TCAIM: variants seen among roughly 807,000 people sequenced by gnomAD.
The protein encoded by TCAIM is T cell activation inhibitor, mitochondrial.
A neutral mutation model predicts 58.6 loss-of-function variants in TCAIM; 36 were observed. That is an observed-to-expected ratio of 0.61 (90% CI 0.47 to 0.81). The LOEUF (loss-of-function observed/expected upper bound fraction) is 0.81. Among genes scored for constraint, TCAIM ranks in the 30% least tolerant of loss-of-function variants. The pLI, the probability that TCAIM is intolerant of heterozygous loss-of-function variation, is 0.00. For synonymous variants in TCAIM, 172 were observed against 193.6 expected, an observed-to-expected ratio of 0.89 and a Z score of 0.93; for missense variants, 466 against 579.6, an observed-to-expected ratio of 0.80 and a Z score of 2.01.
Position 44,407,928 on chromosome 3 carries a change from G to T in TCAIM, c.*246G>T, listed in dbSNP as rs1284159961. The T allele has an allele frequency of 3.2e-6, 1 of 310,462 alleles. No homozygotes were observed. The highest frequency in any genetic ancestry group is 5.8e-6 in the Non-Finnish European group (1 of 171,984). The allele number at this position is 310,462 out of a possible 1,614,324, so 19.2% of individuals were successfully genotyped here. ...AAGATAGGAGGATCACTTGAGCCCA[G>T]GAGGCCAAGGTTGCAGTGGGCCCAG... On this transcript the variant is annotated 3_prime_UTR_variant, in exon 11 of 11. Transcript: ENST00000342649.
intron 5 of TCAIM, among the ~76,000 whole-genome samples, chr3:44,370,618 T>C (rs116555912): frequency 0.021 from 3,242 of 152,020 alleles, 62 homozygotes; most frequent in African/African-American, 0.052. Context: ...TTTTTTAGCT[T>C]CATAAAGTGA....
chr3:44,353,860 C>A (rs561600016), intron 1 of TCAIM, among the ~76,000 whole-genome samples: 2 of 152,232 alleles, frequency 1.3e-5, no homozygotes, highest in East Asian at 3.9e-4. Flanking sequence ...GAAATGTTTT[C>A]TCCAGGTGTG....
At position 44,354,723 on chromosome 3, in the gene TCAIM, C is replaced by T. The variant is rs796357136; in HGVS notation, c.-44-16C>T. The T allele has an allele frequency of 6.5e-7, 1 of 1,548,056 alleles. No individual in the cohort carries two copies. Among genetic ancestry groups the T allele is most frequent in the Non-Finnish European group, 8.8e-7 (1 of 1,137,704 alleles). On this transcript the variant is annotated splice_polypyrimidine_tract_variant and intron_variant, in intron 1 of 10. Transcript: ENST00000342649. ...AATTCTACTTGTTCATTTGTGATAT[C>T]TGCTTAACTTTTAAGCAATTAATGG...
At chr3:44,374,745 A>C (rs1466268655) in intron 5 of TCAIM, among the ~76,000 whole-genome samples, 1 of 152,204 alleles carries the variant, frequency 6.6e-6, no homozygotes, top group Non-Finnish European at 1.5e-5. Flanking sequence ...TGGGTGACAG[A>C]GTGAGACCCT....
In TCAIM at chr3:44,407,869, C is replaced by A. The variant is rs1244724206; in HGVS notation, c.*187C>A. 1 of 575,912 alleles carries A rather than the reference C, an allele frequency of 1.7e-6. No individual in the cohort carries two copies. Among genetic ancestry groups the A allele is most frequent in the Non-Finnish European group, 2.7e-6 (1 of 364,218 alleles). 35.7% of individuals were successfully genotyped at this position (575,912 alleles called of 1,614,324 possible). On this transcript the variant is annotated 3_prime_UTR_variant, in exon 11 of 11. Transcript: ENST00000342649. ...AGGTTTTATATGCCAGGCGTGGTGG[C>A]TCATGCCTGCGGTCCCAGCTACTTA...
intron 1 of TCAIM, among the ~76,000 whole-genome samples, chr3:44,352,313 A>G (rs966310005): frequency 6.6e-6 from 1 of 152,136 alleles, no homozygotes; most frequent in Non-Finnish European, 1.5e-5. Flanking sequence ...CAAGACTTTA[A>G]TAAGGTACTG....
intron 5 of TCAIM, among the ~76,000 whole-genome samples, chr3:44,373,567 C>T (rs1204736545): frequency 6.6e-6 from 1 of 151,548 alleles, no homozygotes; most frequent in African/African-American, 2.4e-5. Flanking sequence ...GGCAGGAGAA[C>T]TGCTTGAACC....
chr3:44,350,096 TGGGTG>T (rs1701056491), intron 1 of TCAIM, among the ~76,000 whole-genome samples: 1 of 152,076 alleles, frequency 6.6e-6, no homozygotes, highest in Non-Finnish European at 1.5e-5. Flanking sequence ...TTTAATCACC[TGGGTG>T]CAGGCAGGCT....
intron 1 of TCAIM, among the ~76,000 whole-genome samples, chr3:44,352,087 G>GTATA (rs573558285): frequency 6.8e-5 from 10 of 146,872 alleles, no homozygotes; most frequent in African/African-American, 2.0e-4. Context: ...ATGTGTGTGT[G>GTATA]TATATATATA....
chr3:44,381,360 C>T (rs1289956352), intron 5 of TCAIM, among the ~76,000 whole-genome samples: 1 of 151,946 alleles, frequency 6.6e-6, no homozygotes, highest in East Asian at 1.9e-4. Context: ...AGAAACCCCA[C>T]GTGATCATTT....
intron 1 of TCAIM, among the ~76,000 whole-genome samples, chr3:44,349,603 C>T (rs2125627428): frequency 6.6e-6 from 1 of 152,166 alleles, no homozygotes; most frequent in South Asian, 2.1e-4. Flanking sequence ...GGCAGGTGTC[C>T]CCGTGGTGAT....
At chr3:44,405,570 A>G (rs55800297) in intron 10 of TCAIM, among the ~76,000 whole-genome samples, 22,476 of 152,002 alleles carry the variant, frequency 0.15, 1,710 homozygotes, top group Admixed American at 0.17. Flanking sequence ...CTACTTGGGA[A>G]GCTGAGGCAG....
Position 44,400,338 on chromosome 3 carries a change from C to A in TCAIM, c.886-17C>A. 1 of 1,582,974 alleles carries A rather than the reference C, an allele frequency of 6.3e-7. No individual in the cohort carries two copies. Among genetic ancestry groups the A allele is most frequent in the South Asian group, 1.1e-5 (1 of 88,016 alleles). ...AACATAAAACTAATTATTTCTTTCC[C>A]TTTGTTAACACTGTAGCTTTTTGAA... On this transcript the variant is annotated splice_polypyrimidine_tract_variant and intron_variant, in intron 8 of 10. Transcript: ENST00000342649.
In TCAIM at chr3:44,406,326, C is replaced by A. The variant is rs563519960; in HGVS notation, c.1251-1116C>A. 1.4e-4 allele frequency among the ~76,000 whole-genome samples: 21 copies of A among 152,236 alleles called. No homozygotes were observed. In the South Asian group the frequency reaches 4.4e-3, roughly 32 times the overall value. On this transcript the variant is annotated intron_variant, in intron 10 of 10. Transcript: ENST00000342649. ...ATCTTTTCTTGACAAGTGAAAAATC[C>A]CTTTACAGAAAAAGTTACTCATCCC...
intron 5 of TCAIM, among the ~76,000 whole-genome samples, chr3:44,390,976 G>T (rs1367966941): frequency 6.6e-6 from 1 of 152,116 alleles, no homozygotes; most frequent in Admixed American, 6.5e-5. Context: ...CACTCCTGCA[G>T]CAGCTCTTCA....
intron 5 of TCAIM, among the ~76,000 whole-genome samples, chr3:44,387,207 A>AC (rs1701757367): frequency 6.6e-6 from 1 of 151,952 alleles, no homozygotes; most frequent in South Asian, 2.1e-4. Flanking sequence ...AAAGCTGGAC[A>AC]CTCGTGGGGA....
At position 44,401,233 on chromosome 3, in the gene TCAIM, C is replaced by G. The variant is rs778191796; in HGVS notation, c.1149C>G (p.Leu383=). The stretch of plus-strand genomic sequence containing the variant: ...GATATGCTCCAAGCTTGCATGAACT[C>G]GGGCATTTTAATATTCCAACACTCT... ...SDRYAPSLHE[L]GHFNIPTLCD... The change falls in exon 10 of 11, where the codon CTC becomes CTG. Residue 383 remains leucine, a synonymous_variant. Transcript: ENST00000342649. The G allele has an allele frequency of 1.9e-6, 3 of 1,613,914 alleles. No individual in the cohort carries two copies. Among genetic ancestry groups the G allele is most frequent in the Admixed American group, 1.7e-5 (1 of 59,990 alleles).
chr3:44,374,282 C>CTT (rs148841054), intron 5 of TCAIM, among the ~76,000 whole-genome samples: 1 of 97,722 alleles, frequency 1.0e-5, no homozygotes. Context: ...TTTTGCTTTG[C>CTT]TTTCTTTTTT....
At chr3:44,354,599 T>C in intron 1 of TCAIM, 140 bp from the exon 2 acceptor site, 1 of 527,624 alleles carries the variant, frequency 1.9e-6, no homozygotes, top group Non-Finnish European at 3.2e-6. Flanking sequence ...GAGTTTGTAG[T>C]TTTCCTTATC....
Sources: allele counts gnomAD v4.1 joint callset (sites outside exome capture counted in the v4.1 genomes callset), GRCh38; gene constraint gnomAD v4.1.1; transcripts MANE v1.5; gene names NCBI Gene and HGNC (gene_info 2026-07-23, HGNC 2026-07-21).